The following RBFOX1 variants were observed in gnomAD, a reference collection of about 807,000 sequenced individuals.
RBFOX1 encodes the protein RNA binding protein fox-1 homolog 1.
In RBFOX1, 8 loss-of-function variants were observed where a neutral mutation model predicts 57.7. The ratio of observed to expected loss-of-function variants is 0.14; its 90% CI spans 0.08 to 0.25. RBFOX1 has a LOEUF of 0.25. Ranked by LOEUF, RBFOX1 falls within the 10% of genes least tolerant of loss-of-function variation. The probability of loss-of-function intolerance (pLI) is 1.00; values close to 1 mark genes in which losing one functional copy is unlikely to be tolerated. For synonymous variants in RBFOX1, 326 were observed against 222.4 expected, an observed-to-expected ratio of 1.47 and a Z score of -4.15; for missense variants, 611 against 548.5, an observed-to-expected ratio of 1.11 and a Z score of -1.14.
chr16:5,895,791 A>C (rs1409679574), intron 4 of RBFOX1, among the ~76,000 whole-genome samples: 1 of 152,198 alleles, frequency 6.6e-6, no homozygotes, highest in Non-Finnish European at 1.5e-5. Context: ...TAGAACAGAG[A>C]CATTTAATAC....
At chr16:7,685,524 T>C (rs751121446) in intron 14 of RBFOX1, among the ~76,000 whole-genome samples, 18 of 152,102 alleles carry the variant, frequency 1.2e-4, no homozygotes, top group Non-Finnish European at 2.4e-4. Context: ...TTTTTTCCTA[T>C]GCTAAGTGGA....
intron 4 of RBFOX1, among the ~76,000 whole-genome samples, chr16:7,373,562 G>A (rs1285670442): frequency 1.3e-5 from 2 of 152,106 alleles, no homozygotes; most frequent in Non-Finnish European, 2.9e-5. Context: ...GAGTGCCCGG[G>A]CAAGCCTTTA....
intron 1 of RBFOX1, among the ~76,000 whole-genome samples, chr16:6,045,468 C>G (rs1336019684): frequency 2.6e-5 from 4 of 152,170 alleles, no homozygotes; most frequent in African/African-American, 9.7e-5. Context: ...CTTCATATGC[C>G]ATCATTGCCA....
intron 2 of RBFOX1, among the ~76,000 whole-genome samples, chr16:5,545,268 C>A (rs978088081): frequency 1.1e-4 from 16 of 149,924 alleles, no homozygotes; most frequent in African/African-American, 3.9e-4. Context: ...GTGAGCACGC[C>A]CTGCCCTTAG....
intron 1 of RBFOX1, among the ~76,000 whole-genome samples, chr16:6,256,715 C>G (rs915829228): frequency 1.3e-5 from 2 of 152,144 alleles, no homozygotes; most frequent in African/African-American, 4.8e-5. Context: ...CCGGCTGCCA[C>G]TCATGACATG....
chr16:7,288,169 G>C (rs2095687756), intron 4 of RBFOX1, among the ~76,000 whole-genome samples: 1 of 152,096 alleles, frequency 6.6e-6, no homozygotes, highest in Admixed American at 6.5e-5. Context: ...AAGCACCCTG[G>C]GGAAGCGGCA....
At position 5,966,999 on chromosome 16, in the gene RBFOX1, G is replaced by C. The variant is rs531295342; in HGVS notation, c.351+99664G>C. The stretch of plus-strand genomic sequence containing the variant: ...TCTTTCTTGCACTAAATCGGGGGGG[G>C]GGGGGTCAATAAATGATAGCTCAGG... On this transcript the variant is annotated intron_variant, in intron 4 of 19. Coordinates refer to the RBFOX1 transcript ENST00000641259. Among the ~76,000 whole-genome samples, 135 of 134,942 alleles carry C rather than the reference G, an allele frequency of 1.0e-3. 24 individuals carry two copies. The highest frequency in any genetic ancestry group is 3.8e-3 in the East Asian group (16 of 4,176). 88.5% of individuals were successfully genotyped at this position (134,942 alleles called of 152,430 possible).
chr16:6,776,639 G>T (rs897708763), intron 3 of RBFOX1, among the ~76,000 whole-genome samples: 1 of 151,946 alleles, frequency 6.6e-6, no homozygotes, highest in African/African-American at 2.4e-5. Flanking sequence ...CTTTCAAATC[G>T]GTATGCCATC....
At position 7,542,594 on chromosome 16, in the gene RBFOX1, C is replaced by T. The variant is rs558860201; in HGVS notation, c.270+24205C>T. On this transcript the variant is annotated intron_variant, in intron 5 of 15. Coordinates refer to ENST00000550418, the MANE Select transcript of RBFOX1 (RefSeq NM_018723.4). The stretch of plus-strand genomic sequence containing the variant: ...ATGGGGCCGGGTGCAGTGGCTCACA[C>T]CTGTAATCCCAGCACTTTGGGAGGC... Among the ~76,000 whole-genome samples the T allele has an allele frequency of 1.3e-4, 19 of 151,800 alleles. No homozygotes were observed. In the South Asian group the frequency reaches 3.5e-3, roughly 28 times the overall value.
intron 4 of RBFOX1, among the ~76,000 whole-genome samples, chr16:7,484,645 G>C (rs899054786): frequency 1.3e-5 from 2 of 152,100 alleles, no homozygotes; most frequent in African/African-American, 4.8e-5. Flanking sequence ...TGTATTTTTA[G>C]TAGAGACAAG....
chr16:7,261,285 T>G (rs2094909542), intron 4 of RBFOX1, among the ~76,000 whole-genome samples: 1 of 152,162 alleles, frequency 6.6e-6, no homozygotes, highest in Admixed American at 6.5e-5. Context: ...ATGTATAAAG[T>G]GGAATTGATG....
intron 2 of RBFOX1, among the ~76,000 whole-genome samples, chr16:6,542,558 C>T (rs1197473254): frequency 7.7e-6 from 1 of 129,682 alleles, no homozygotes; most frequent in Non-Finnish European, 1.6e-5. Flanking sequence ...GGCCTTTTCT[C>T]GGCTCACTGC....
In RBFOX1 at chr16:6,360,834, G is replaced by C. The variant is rs557239468; in HGVS notation, c.-64+43777G>C. ...TTTTACATAGTTATCATTGTGAATGGCGCCCCCTACAGTTGTTCAGTGTGT... is the reference window on the plus strand; with the variant it reads ...TTTTACATAGTTATCATTGTGAATGCCGCCCCCTACAGTTGTTCAGTGTGT... On this transcript the variant is annotated intron_variant, in intron 2 of 15. Transcript: ENST00000550418. 3.5e-4 allele frequency among the ~76,000 whole-genome samples: 53 copies of C among 152,310 alleles called. No individual in the cohort carries two copies. The East Asian group carries it at 3.9e-3, about 11-fold the overall frequency.
chr16:5,559,728 C>G (rs1261534816), intron 2 of RBFOX1, among the ~76,000 whole-genome samples: 1 of 152,182 alleles, frequency 6.6e-6, no homozygotes, highest in African/African-American at 2.4e-5. Context: ...GTCATTCTGT[C>G]TTGTGCAACG....
chr16:5,633,497 A>T (rs1189153024), intron 3 of RBFOX1, among the ~76,000 whole-genome samples: 1 of 152,166 alleles, frequency 6.6e-6, no homozygotes, highest in African/African-American at 2.4e-5. Context: ...AATATTCACA[A>T]ACTGTGTATC....
intron 3 of RBFOX1, among the ~76,000 whole-genome samples, chr16:6,682,755 A>G (rs969902346): frequency 2.0e-5 from 3 of 152,026 alleles, no homozygotes; most frequent in African/African-American, 4.8e-5. Context: ...TTACCAGTAG[A>G]TTCATACTAA....
chr16:6,658,927 GGTTTT>G (rs2098681287), intron 3 of RBFOX1, among the ~76,000 whole-genome samples: 1 of 124,888 alleles, frequency 8.0e-6, no homozygotes, highest in African/African-American at 2.9e-5. Flanking sequence ...TTTGTTTTTT[GGTTTT>G]TTTGTTTTTT....
intron 11 of RBFOX1, among the ~76,000 whole-genome samples, chr16:7,639,501 A>G (rs2062391236): frequency 6.6e-6 from 1 of 152,152 alleles, no homozygotes; most frequent in Non-Finnish European, 1.5e-5. Context: ...TTTTTTCTAT[A>G]TGCCAGGTGC....
intron 3 of RBFOX1, among the ~76,000 whole-genome samples, chr16:6,675,340 C>T (rs796132861): frequency 2.0e-5 from 3 of 152,228 alleles, no homozygotes; most frequent in Admixed American, 1.3e-4. Flanking sequence ...TTGCAAATGT[C>T]ATCAGAAGTG....
Sources: allele counts gnomAD v4.1 joint callset (sites outside exome capture counted in the v4.1 genomes callset), GRCh38; gene constraint gnomAD v4.1.1; transcripts MANE v1.5; gene names NCBI Gene and HGNC (gene_info 2026-07-23, HGNC 2026-07-21).